RPS6KA2: variants seen among roughly 807,000 people sequenced by gnomAD.
RPS6KA2 encodes ribosomal protein S6 kinase A2, also known as ribosomal protein S6 kinase alpha-2.
In RPS6KA2, 42 loss-of-function variants were observed where a neutral mutation model predicts 91.8. That is an observed-to-expected ratio of 0.46 (90% CI 0.36 to 0.59). The LOEUF (loss-of-function observed/expected upper bound fraction) is 0.59. RPS6KA2 is among the 20% of genes least tolerant of loss of function. The probability of loss-of-function intolerance (pLI) is 0.00; values close to 1 mark genes in which losing one functional copy is unlikely to be tolerated. For missense variants in RPS6KA2, 798 were observed against 978.5 expected, an observed-to-expected ratio of 0.82 and a Z score of 2.46; for synonymous variants, 414 against 393.6, an observed-to-expected ratio of 1.05 and a Z score of -0.61.
chr6:166,411,224 T>A lies in RPS6KA2; in HGVS notation c.*1538A>T, dbSNP rs915926550. 3.3e-5 allele frequency: 5 copies of A among 152,144 alleles called. No individual in the cohort carries two copies. The highest frequency in any genetic ancestry group is 2.1e-4 in the South Asian group (1 of 4,830). 9.4% of individuals were successfully genotyped at this position (152,144 alleles called of 1,614,324 possible). On this transcript the variant is annotated 3_prime_UTR_variant, in exon 21 of 21. Transcript: ENST00000265678. This position sits in a 1 kb window ranked among gnomAD's most constrained non-coding sequence, Gnocchi z 4.5. ...CGCAGCACATTTTTTCTTTATTTTT[T>A]TTTTTTTAGTTGGGTACGAGAATCG...
chr6:166,647,088 C>G (rs998780192), intron 2 of RPS6KA2, among the ~76,000 whole-genome samples: 9 of 152,170 alleles, frequency 5.9e-5, no homozygotes, highest in African/African-American at 2.2e-4. Context: ...ATCTGTATAT[C>G]AGTATGTGCC....
chr6:166,836,204 T>C (rs1780311986), intron 2 of RPS6KA2, among the ~76,000 whole-genome samples: 1 of 152,094 alleles, frequency 6.6e-6, no homozygotes, highest in African/African-American at 2.4e-5. Flanking sequence ...TTTCTGTTTT[T>C]GTTTTTGTTT....
At chr6:166,678,084 G>A (rs1005960345) in intron 2 of RPS6KA2, among the ~76,000 whole-genome samples, 8 of 152,124 alleles carry the variant, frequency 5.3e-5, no homozygotes, top group Admixed American at 2.0e-4. Context: ...GCTGGTTTCC[G>A]GTATGGATCC....
At chr6:166,455,253 A>G (rs1472603463) in intron 12 of RPS6KA2, among the ~76,000 whole-genome samples, 1 of 152,034 alleles carries the variant, frequency 6.6e-6, no homozygotes, top group Non-Finnish European at 1.5e-5. Flanking sequence ...GTTTCTTAGC[A>G]TCATATTTTG....
At chr6:166,591,226 G>A (rs553087155) in intron 1 of RPS6KA2, among the ~76,000 whole-genome samples, 1 of 152,226 alleles carries the variant, frequency 6.6e-6, no homozygotes, top group South Asian at 2.1e-4. Flanking sequence ...GAGGCCCTGG[G>A]GGCACCTCGG....
intron 1 of RPS6KA2, among the ~76,000 whole-genome samples, chr6:166,610,812 TATAAC>T (rs1786143832): frequency 6.6e-6 from 1 of 152,250 alleles, no homozygotes; most frequent in African/African-American, 2.4e-5. Flanking sequence ...ATTATAGAGT[TATAAC>T]AGAATAGTTT....
At chr6:166,605,802 A>G (rs3799583) in intron 1 of RPS6KA2, among the ~76,000 whole-genome samples, 24,648 of 152,240 alleles carry the variant, frequency 0.16, 2,088 homozygotes, top group South Asian at 0.24. Flanking sequence ...GAGCAAATCA[A>G]AAGATTGTTT....
At chr6:166,858,778 G>C (rs1012515379) in intron 1 of RPS6KA2, among the ~76,000 whole-genome samples, 1 of 152,208 alleles carries the variant, frequency 6.6e-6, no homozygotes, top group Admixed American at 6.5e-5. Context: ...TCTGTGGTTG[G>C]CACAAGGTTT....
At chr6:166,824,686 CAT>C (rs1779991497) in intron 2 of RPS6KA2, among the ~76,000 whole-genome samples, 2 of 123,372 alleles carry the variant, frequency 1.6e-5, no homozygotes, top group African/African-American at 3.2e-5. Flanking sequence ...TGTGTGTCTA[CAT>C]GTGTGTCTGT....
At chr6:166,452,588 G>GATT (rs1425161215) in intron 12 of RPS6KA2, among the ~76,000 whole-genome samples, 1 of 152,126 alleles carries the variant, frequency 6.6e-6, no homozygotes, top group East Asian at 1.9e-4. Flanking sequence ...ATCACAAGGA[G>GATT]ATAGTAACTA....
rs570442810 is a variant in RPS6KA2 at position 166,704,413 on chromosome 6, G to A, written c.123+153787C>T. On this transcript the variant is annotated intron_variant, in intron 2 of 21. Coordinates refer to the RPS6KA2 transcript ENST00000503859. The stretch of plus-strand genomic sequence containing the variant: ...AGCACATGTTTTCTAAAACACACGT[G>A]TAACTGATAGACTTAGCGACTGACT... 9.8e-5 allele frequency among the ~76,000 whole-genome samples: 15 copies of A among 152,360 alleles called. No individual in the cohort carries two copies. In the South Asian group the frequency reaches 3.1e-3, roughly 32 times the overall value.
rs1786922387 is a variant in RPS6KA2 at position 166,627,200 on chromosome 6, G to A, written c.-181C>T. The A allele has an allele frequency of 1.9e-6, 2 of 1,041,720 alleles. No individual in the cohort carries two copies. The highest frequency in any genetic ancestry group is 1.7e-5 in the African/African-American group (1 of 58,564). 64.5% of individuals were successfully genotyped at this position (1,041,720 alleles called of 1,614,324 possible). On this transcript the variant is annotated 5_prime_UTR_variant, in exon 1 of 21. Coordinates refer to ENST00000265678, the MANE Select transcript of RPS6KA2 (RefSeq NM_021135.6). The stretch of plus-strand genomic sequence containing the variant: ...AAGGGCAGGCCGCGCCGGCCACCGC[G>A]GCCGGGGCCACAATCGCTCCCTCCG...
intron 2 of RPS6KA2, among the ~76,000 whole-genome samples, chr6:166,751,582 C>T (rs1344820313): frequency 1.3e-5 from 2 of 152,234 alleles, no homozygotes; most frequent in Admixed American, 6.5e-5. Flanking sequence ...GTGTCTGGAA[C>T]GGCTGGGCCG....
chr6:166,844,883 A>T (rs909594581), intron 2 of RPS6KA2, among the ~76,000 whole-genome samples: 1 of 152,112 alleles, frequency 6.6e-6, no homozygotes, highest in Non-Finnish European at 1.5e-5. Context: ...AAAACAAACC[A>T]AGGTATTCAG....
At chr6:166,647,121 G>A (rs369706383) in intron 2 of RPS6KA2, among the ~76,000 whole-genome samples, 2 of 151,982 alleles carry the variant, frequency 1.3e-5, no homozygotes, top group African/African-American at 2.4e-5. Context: ...GAGTCATGCC[G>A]ATCTCCCAGT....
chr6:166,723,793 C>T (rs1358433265), intron 2 of RPS6KA2, among the ~76,000 whole-genome samples: 1 of 151,234 alleles, frequency 6.6e-6, no homozygotes, highest in African/African-American at 2.4e-5. Context: ...CTCTGCCTCC[C>T]GGTTCAAGCG....
chr6:166,823,060 C>T (rs1779943759), intron 2 of RPS6KA2, among the ~76,000 whole-genome samples: 1 of 152,174 alleles, frequency 6.6e-6, no homozygotes, highest in South Asian at 2.1e-4. Flanking sequence ...ACCAGACATC[C>T]AAAGGGCAGA....
intron 1 of RPS6KA2, among the ~76,000 whole-genome samples, chr6:166,615,818 G>A (rs993483911): frequency 1.3e-5 from 2 of 152,136 alleles, no homozygotes; most frequent in African/African-American, 2.4e-5. Context: ...TGCCTGTGGG[G>A]TCTAGACACC....
intron 1 of RPS6KA2, among the ~76,000 whole-genome samples, chr6:166,602,660 T>C (rs1785788219): frequency 6.6e-6 from 1 of 152,138 alleles, no homozygotes; most frequent in Non-Finnish European, 1.5e-5. Context: ...AACAATACAG[T>C]GTTTAGGATA....
Sources: gnomAD v4.1 joint callset for allele counts (sites outside exome capture counted in the v4.1 genomes callset) on GRCh38, gnomAD v4.1.1 for gene constraint, Gnocchi (gnomAD v3.1) non-coding constraint, MANE v1.5 for transcripts, NCBI Gene and HGNC (gene_info 2026-07-23, HGNC 2026-07-21) for gene names.